Variants in ADGRL3 observed in about 807,000 individuals in gnomAD.
The protein encoded by ADGRL3 is calcium-independent alpha-latrotoxin receptor 3.
A neutral mutation model predicts 153.5 loss-of-function variants in ADGRL3; 62 were observed. The observed-to-expected ratio is 0.40, with a 90% CI of 0.33 to 0.50. ADGRL3 has a LOEUF of 0.50. ADGRL3 is among the 20% of genes least tolerant of loss of function. The pLI is 0.47. For synonymous variants in ADGRL3, 710 were observed against 672.5 expected, an observed-to-expected ratio of 1.06 and a Z score of -0.86; for missense variants, 1,641 against 1,859.4, an observed-to-expected ratio of 0.88 and a Z score of 2.16.
chr4:62,043,751 GA>G lies in ADGRL3; in HGVS notation c.3718-697del, dbSNP rs1729638968. On this transcript the variant is annotated intron_variant, in intron 24 of 26. Transcript: ENST00000683033. ...TAAAAAAGAAAAAAATCCCCCAATG[GA>G]AAAAGTTTATAATATCTGACCCTTA... Among the ~76,000 whole-genome samples, 4 of 152,042 alleles carry G rather than the reference GA, an allele frequency of 2.6e-5. No individual in the cohort carries two copies. The South Asian group carries it at 8.3e-4, about 32-fold the overall frequency.
At chr4:62,063,465 T>G in intron 25 of ADGRL3, 1 of 230,922 alleles carries the variant, frequency 4.3e-6, no homozygotes, top group Non-Finnish European at 8.4e-6. Flanking sequence ...CTGATTGACC[T>G]TTTTTTTTTT....
chr4:61,564,590 A>T (rs2098809156), intron 4 of ADGRL3, among the ~76,000 whole-genome samples: 2 of 152,134 alleles, frequency 1.3e-5, no homozygotes, highest in South Asian at 4.1e-4. Context: ...CTTTCTTACC[A>T]TTCATATGTG....
intron 3 of ADGRL3, among the ~76,000 whole-genome samples, chr4:61,506,455 C>T (rs2098429608): frequency 6.6e-6 from 1 of 152,040 alleles, no homozygotes; most frequent in Non-Finnish European, 1.5e-5. Flanking sequence ...GTACACACAT[C>T]CCATCATTAT....
chr4:61,591,931 C>T (rs2098971087), intron 5 of ADGRL3, among the ~76,000 whole-genome samples: 1 of 151,734 alleles, frequency 6.6e-6, no homozygotes, highest in Non-Finnish European at 1.5e-5. Flanking sequence ...AAAAAGTTAG[C>T]TGTACCTGGT....
At chr4:61,413,811 G>GTTGTTCCATGAATCCACA (rs2097114792) in intron 2 of ADGRL3, among the ~76,000 whole-genome samples, 1 of 152,150 alleles carries the variant, frequency 6.6e-6, no homozygotes, top group Admixed American at 6.5e-5. Flanking sequence ...TCAGAGCCAC[G>GTTGTTCCATGAATCCACA]TTGTTCCATG....
In ADGRL3 at chr4:62,020,814, A is replaced by G. The variant is rs554339034; in HGVS notation, c.3396-8041A>G. ...TATAGTGGACTTTTCATCACTAAGG[A>G]TATAATATGAGTTAAACTTAGATTT... On this transcript the variant is annotated intron_variant, in intron 21 of 26. Coordinates refer to ENST00000683033, the MANE Select transcript of ADGRL3 (RefSeq NM_001387552.1). 6.6e-5 allele frequency among the ~76,000 whole-genome samples: 10 copies of G among 152,242 alleles called. No individual in the cohort carries two copies. The East Asian group carries it at 1.9e-3, about 29-fold the overall frequency.
intron 2 of ADGRL3, among the ~76,000 whole-genome samples, chr4:61,457,522 C>T (rs2152559714): frequency 6.6e-6 from 1 of 151,888 alleles, no homozygotes; most frequent in Middle Eastern, 3.4e-3. Context: ...GTTTGAAATC[C>T]TCTGTTAAAA....
intron 9 of ADGRL3, among the ~76,000 whole-genome samples, chr4:61,838,645 A>T (rs528699858): frequency 6.6e-6 from 1 of 152,194 alleles, no homozygotes; most frequent in African/African-American, 2.4e-5. Flanking sequence ...TTGAAGAATA[A>T]CCAACTCTAT....
At chr4:61,374,821 A>G (rs2096584690) in intron 1 of ADGRL3, among the ~76,000 whole-genome samples, 2 of 151,966 alleles carry the variant, frequency 1.3e-5, no homozygotes, top group Admixed American at 6.6e-5. Flanking sequence ...ACACTTTGGC[A>G]GAGGTCACTT....
At chr4:61,256,825 T>C (rs2092014395) in intron 1 of ADGRL3, among the ~76,000 whole-genome samples, 1 of 152,208 alleles carries the variant, frequency 6.6e-6, no homozygotes, top group Admixed American at 6.5e-5. Flanking sequence ...TGTAGTCTCA[T>C]ATCCTACTTT....
chr4:61,515,577 A>G (rs1579284721), intron 3 of ADGRL3, among the ~76,000 whole-genome samples: 1 of 152,320 alleles, frequency 6.6e-6, no homozygotes, highest in African/African-American at 2.4e-5. Context: ...TGGGAACTCA[A>G]TAAATATTTG....
At chr4:61,488,046 G>A (rs191840903) in intron 2 of ADGRL3, among the ~76,000 whole-genome samples, 1 of 151,984 alleles carries the variant, frequency 6.6e-6, no homozygotes, top group African/African-American at 2.4e-5. Context: ...TAACTCAAGG[G>A]CACTTCACAA....
intron 1 of ADGRL3, among the ~76,000 whole-genome samples, chr4:61,233,548 G>A (rs1386849188): frequency 2.0e-5 from 3 of 152,162 alleles, no homozygotes; most frequent in African/African-American, 7.2e-5. Context: ...TCATTGAGAA[G>A]GTGACATTTG....
At chr4:61,988,657 TA>T (rs1409723641) in intron 19 of ADGRL3, among the ~76,000 whole-genome samples, 1 of 152,152 alleles carries the variant, frequency 6.6e-6, no homozygotes, top group Non-Finnish European at 1.5e-5. Context: ...AGTAAATTTT[TA>T]CTTTTAAAAA....
chr4:61,330,246 G>A (rs2095545136), intron 1 of ADGRL3, among the ~76,000 whole-genome samples: 1 of 152,142 alleles, frequency 6.6e-6, no homozygotes, highest in Non-Finnish European at 1.5e-5. Context: ...TTATTTCTAG[G>A]TGTGTTTGGG....
intron 1 of ADGRL3, among the ~76,000 whole-genome samples, chr4:61,294,262 C>A (rs1374488853): frequency 6.6e-6 from 1 of 152,002 alleles, no homozygotes; most frequent in Admixed American, 6.6e-5. Flanking sequence ...TGGTGAGTAC[C>A]CATAGCACAA....
chr4:61,589,680 A>G (rs2098961533), intron 5 of ADGRL3, among the ~76,000 whole-genome samples: 1 of 152,044 alleles, frequency 6.6e-6, no homozygotes, highest in Non-Finnish European at 1.5e-5. Flanking sequence ...TTATCACCGT[A>G]TTCTTGTATA....
intron 9 of ADGRL3, among the ~76,000 whole-genome samples, chr4:61,828,125 A>G (rs1203437064): frequency 1.3e-5 from 2 of 152,230 alleles, no homozygotes; most frequent in Non-Finnish European, 2.9e-5. Context: ...AAATGAAGCC[A>G]GGGCTATAGA....
intron 24 of ADGRL3, among the ~76,000 whole-genome samples, chr4:62,038,600 G>T (rs1726401709): frequency 6.6e-6 from 1 of 151,918 alleles, no homozygotes; most frequent in African/African-American, 2.4e-5. Context: ...TAGCAAACTA[G>T]TATTATTTGT....
Sources: gnomAD v4.1 joint callset for allele counts (sites outside exome capture counted in the v4.1 genomes callset) on GRCh38, gnomAD v4.1.1 for gene constraint, MANE v1.5 for transcripts, NCBI Gene and HGNC (gene_info 2026-07-23, HGNC 2026-07-21) for gene names.